The following SPTBN4 variants were observed in gnomAD, a reference collection of about 807,000 sequenced individuals.
SPTBN4 encodes the protein spectrin beta, non-erythrocytic 4, also known as spectrin beta chain, non-erythrocytic 4.
In SPTBN4, 96 loss-of-function variants were observed where a neutral mutation model predicts 277.8. That is an observed-to-expected ratio of 0.35 (90% confidence interval 0.29 to 0.41). The LOEUF is 0.41. SPTBN4 is among the 10% of genes least tolerant of loss of function. SPTBN4 has a pLI of 1.00. For synonymous variants in SPTBN4, 1,481 were observed against 1,580.3 expected (o/e 0.94, Z 1.49); for missense variants, 3,006 against 3,595.7 (o/e 0.84, Z 4.19).
chr19:40,572,730 G>C (rs1378595013), intron 35 of SPTBN4: 2 of 222,100 alleles, frequency 9.0e-6, no homozygotes, highest in Non-Finnish European at 1.8e-5. Context: ...AGGCCAAGAC[G>C]GGCAGATCAC....
chr19:40,482,736 C>T (rs1056086817), intron 2 of SPTBN4, among the ~76,000 whole-genome samples: 15 of 151,762 alleles, frequency 9.9e-5, no homozygotes, highest in South Asian at 4.2e-4. Context: ...CTGAGGCGGG[C>T]GGATCACCTG....
intron 16 of SPTBN4, among the ~76,000 whole-genome samples, chr19:40,522,760 A>G (rs892025458): frequency 2.5e-4 from 38 of 152,174 alleles, no homozygotes; most frequent in African/African-American, 9.2e-4. Flanking sequence ...TGTGGTTGAC[A>G]TTCTAGTATG....
intron 7 of SPTBN4, among the ~76,000 whole-genome samples, chr19:40,498,371 T>TA: frequency 7.0e-6 from 1 of 142,592 alleles, no homozygotes; most frequent in South Asian, 2.2e-4. Flanking sequence ...TGTTTTATTT[T>TA]ATTTTATTTA....
At chr19:40,534,770 G>A in intron 20 of SPTBN4, 1 of 186,202 alleles carries the variant, frequency 5.4e-6, no homozygotes, top group South Asian at 1.1e-4. Context: ...CTGGAGATTG[G>A]TACTGTTATT....
Position 40,550,255 on chromosome 19 carries a change from G to A in SPTBN4, c.4602G>A (p.Arg1534=). 6.2e-7 allele frequency: 1 copy of A among 1,613,292 alleles called. No homozygotes were observed. Among genetic ancestry groups the A allele is most frequent in the Non-Finnish European group, 8.5e-7 (1 of 1,179,960 alleles). The change falls in exon 22 of 36, where the codon CGG becomes CGA. Residue 1534 remains arginine (R), a synonymous_variant. Coordinates refer to ENST00000598249, the MANE Select transcript of SPTBN4 (RefSeq NM_020971.3). ...CTCTCCAGGCATGGGTTCAGGAGCG[G>A]CTGCCACTGGCCATGCAGACAGAGC... ...LDDELAWVQE[R]LPLAMQTERG...
At chr19:40,501,843 C>T in intron 7 of SPTBN4, 78 bp from the exon 8 acceptor site, 4 of 1,219,026 alleles carry the variant, frequency 3.3e-6, no homozygotes, top group Non-Finnish European at 1.2e-6. Flanking sequence ...AGTGGCTTCT[C>T]CATCCCTCCA....
At chr19:40,529,905 C>A (rs1392921864) in intron 18 of SPTBN4, among the ~76,000 whole-genome samples, 1 of 152,090 alleles carries the variant, frequency 6.6e-6, no homozygotes, top group Non-Finnish European at 1.5e-5. Flanking sequence ...CCCCTAAACC[C>A]CTCAGCCTCA....
rs1051544782 is a variant in SPTBN4, at chr19:40,560,091, G to C, written c.5671-68G>C. The stretch of plus-strand genomic sequence containing the variant: ...TATCTTGAGGTTCTGCGCTGGAGCA[G>C]ATGGTGGGAGGGAGGGCACAGCCTG... On this transcript the variant is annotated intron_variant, in intron 26 of 35. Transcript: ENST00000598249. The surrounding 1 kb of genome is among the most constrained non-coding windows in gnomAD (Gnocchi z 5.2). 8.7e-6 allele frequency: 13 copies of C among 1,499,688 alleles called. No homozygotes were observed. The highest frequency in any genetic ancestry group is 1.1e-5 in the Non-Finnish European group (12 of 1,129,916). 92.9% of individuals were successfully genotyped at this position (1,499,688 alleles called of 1,614,324 possible). A position where few individuals can be genotyped will look rare whatever the true frequency, so the allele number is the denominator to read the frequency against.
At chr19:40,524,169 C>T (rs1447972373) in intron 17 of SPTBN4, among the ~76,000 whole-genome samples, 1 of 152,078 alleles carries the variant, frequency 6.6e-6, no homozygotes, top group Non-Finnish European at 1.5e-5. Flanking sequence ...TGAAAGGTTT[C>T]TTTCTTAAGT....
intron 27 of SPTBN4, 68 bp from the exon 28 acceptor site, chr19:40,565,355 A>T: frequency 6.5e-7 from 1 of 1,542,264 alleles, no homozygotes. Context: ...GGTCACCAGG[A>T]GCCACATGTA....
chr19:40,488,703 A>G (rs867705044), intron 3 of SPTBN4, among the ~76,000 whole-genome samples: 6 of 152,156 alleles, frequency 3.9e-5, no homozygotes, highest in African/African-American at 1.4e-4. Context: ...CCAAGTACCC[A>G]GGAGGTTGAG....
At chr19:40,561,903 CAA>C (rs1359571950) in intron 27 of SPTBN4, among the ~76,000 whole-genome samples, 3 of 151,804 alleles carry the variant, frequency 2.0e-5, no homozygotes, top group African/African-American at 4.8e-5. Flanking sequence ...TGATAGCTGG[CAA>C]AGTCTCTCTG....
At chr19:40,549,947 G>A (rs912073006) in intron 21 of SPTBN4, among the ~76,000 whole-genome samples, 1 of 152,150 alleles carries the variant, frequency 6.6e-6, no homozygotes, top group Admixed American at 6.6e-5. Context: ...TGTGAGCCTG[G>A]CTTAAGTGCA....
chr19:40,513,713 T>C (rs1416410188), intron 14 of SPTBN4, among the ~76,000 whole-genome samples, 159 bp downstream of exon 14: 1 of 152,202 alleles, frequency 6.6e-6, no homozygotes. Context: ...ACCTGCCTAA[T>C]CTTCCTGAAC....
chr19:40,532,264 T>C (rs2080683888), intron 18 of SPTBN4, among the ~76,000 whole-genome samples: 1 of 122,176 alleles, frequency 8.2e-6, no homozygotes, highest in Admixed American at 7.8e-5. Context: ...GGGAGTTAGC[T>C]AAATTGGGTT....
At chr19:40,540,792 C>T (rs949464257) in intron 20 of SPTBN4, among the ~76,000 whole-genome samples, 4 of 120,942 alleles carry the variant, frequency 3.3e-5, no homozygotes, top group South Asian at 5.2e-4. Context: ...CCAATCTGGT[C>T]GACAGAGTGA....
chr19:40,467,623 CGGGG>C (rs562140429), intron 1 of SPTBN4, among the ~76,000 whole-genome samples: 3 of 104,894 alleles, frequency 2.9e-5, no homozygotes, highest in Non-Finnish European at 6.2e-5. Context: ...CCAGCCTTTG[CGGGG>C]GGGGGGGGGT....
chr19:40,540,170 G>T (rs1033081345), intron 20 of SPTBN4, among the ~76,000 whole-genome samples: 1 of 149,330 alleles, frequency 6.7e-6, no homozygotes, highest in Admixed American at 6.7e-5. Flanking sequence ...CAAGTGATCC[G>T]CCCGCCTCGG....
chr19:40,567,771 C>T lies in SPTBN4; in HGVS notation c.6445C>T (p.Arg2149Trp). 1 of 1,529,610 alleles carries T rather than the reference C, an allele frequency of 6.5e-7. No individual in the cohort carries two copies. The highest frequency in any genetic ancestry group is 8.8e-7 in the Non-Finnish European group (1 of 1,138,628). 94.8% of individuals were successfully genotyped at this position (1,529,610 alleles called of 1,614,324 possible). Residue 2149 changes from arginine (R) to tryptophan (W), a missense_variant, in exon 31 of 36, where the codon CGG becomes TGG. Physicochemically the swap from Arg to Trp is moderately radical, Grantham distance 101 (BLOSUM62 -3). This residue lies in a region of SPTBN4 where 630 missense variants were observed against 677.6 expected (regional missense o/e 0.93). Coordinates refer to ENST00000598249, the MANE Select transcript of SPTBN4 (RefSeq NM_020971.3). ...GGCGGCCAAGGCGGCGCCCCTGCTG[C>T]GGCCAGGGGGCTATGAAAGGGGCTT... ...ELAAKAAPLLRPGGYERGLEP... is the reference protein window; with the variant it reads ...ELAAKAAPLLWPGGYERGLEP...
Sources: gnomAD v4.1 joint callset for allele counts (sites outside exome capture counted in the v4.1 genomes callset) on GRCh38, gnomAD v4.1.1 for gene constraint, gnomAD v4.1.1 regional missense constraint, Gnocchi (gnomAD v3.1) non-coding constraint, MANE v1.5 for transcripts, NCBI Gene and HGNC (gene_info 2026-07-23, HGNC 2026-07-21) for gene names.